TFCP2L1: variants seen among roughly 807,000 people sequenced by gnomAD.
The protein encoded by TFCP2L1 is transcription factor CP2 like 1.
A neutral mutation model predicts 72.2 loss-of-function variants in TFCP2L1; 12 were observed. The observed-to-expected ratio is 0.17, with a 90% CI of 0.11 to 0.27. TFCP2L1 has a LOEUF of 0.27. TFCP2L1 is among the 10% of genes least tolerant of loss of function. The pLI is 1.00. For missense variants in TFCP2L1, 488 were observed against 624.6 expected (o/e 0.78, Z 2.33); for synonymous variants, 260 against 251.0 (o/e 1.04, Z -0.34).
intron 2 of TFCP2L1, among the ~76,000 whole-genome samples, chr2:121,254,659 G>A (rs1431117451): frequency 2.6e-5 from 4 of 152,142 alleles, no homozygotes; most frequent in South Asian, 2.1e-4. Flanking sequence ...TTAGCCGGGC[G>A]TGGTGGCGCA....
At chr2:121,236,934 C>T (rs1417023739) in intron 10 of TFCP2L1, among the ~76,000 whole-genome samples, 1 of 152,208 alleles carries the variant, frequency 6.6e-6, no homozygotes, top group Admixed American at 6.5e-5. Context: ...GCTACAAGCT[C>T]CCAAGGACAG....
rs1371349998 is a variant in TFCP2L1 at position 121,217,076 on chromosome 2, A to G, written c.*7265T>C. ...GCACTGTGACAAAAGAACTTGTCCC[A>G]CCTATCTGAGAGCATGAGATCTGCA... On this transcript the variant is annotated 3_prime_UTR_variant, in exon 15 of 15. Transcript: ENST00000263707. 1 of 152,280 alleles carries G rather than the reference A, an allele frequency of 6.6e-6. No individual in the cohort carries two copies. Among genetic ancestry groups the G allele is most frequent in the Non-Finnish European group, 1.5e-5 (1 of 68,070 alleles). The allele number at this position is 152,280 out of a possible 1,614,324, so 9.4% of individuals were successfully genotyped here. A position where few individuals can be genotyped will look rare whatever the true frequency, so the allele number is the denominator to read the frequency against.
chr2:121,241,171 A>T (rs1205733555), intron 7 of TFCP2L1, among the ~76,000 whole-genome samples: 1 of 152,158 alleles, frequency 6.6e-6, no homozygotes, highest in East Asian at 1.9e-4. Flanking sequence ...AATTCCCTGT[A>T]AAAAAGGAGG....
chr2:121,263,724 C>T (rs1686874463), intron 2 of TFCP2L1, among the ~76,000 whole-genome samples: 1 of 152,140 alleles, frequency 6.6e-6, no homozygotes, highest in African/African-American at 2.4e-5. Context: ...ATCCTAAACA[C>T]ATATATCACT....
chr2:121,275,974 C>T (rs534843904), intron 2 of TFCP2L1, among the ~76,000 whole-genome samples: 1 of 152,318 alleles, frequency 6.6e-6, no homozygotes, highest in Admixed American at 6.5e-5. Flanking sequence ...AAACATATTT[C>T]TAAGCTACAA....
rs1185617186 is a variant in TFCP2L1, at chr2:121,216,788, C to T, written c.*7553G>A. 6.6e-6 allele frequency: 1 copy of T among 152,310 alleles called. No homozygotes were observed. The highest frequency in any genetic ancestry group is 1.5e-5 in the Non-Finnish European group (1 of 68,048). 9.4% of individuals were successfully genotyped at this position (152,310 alleles called of 1,614,324 possible). A position where few individuals can be genotyped will look rare whatever the true frequency, so the allele number is the denominator to read the frequency against. ...CCACCTGACCCATCCAAGGGCCACACCACCCCGACAGATACTCCCACCACC... is the reference window on the plus strand; with the variant it reads ...CCACCTGACCCATCCAAGGGCCACATCACCCCGACAGATACTCCCACCACC... On this transcript the variant is annotated 3_prime_UTR_variant, in exon 15 of 15. Transcript: ENST00000263707.
chr2:121,218,397 C>T lies in TFCP2L1; in HGVS notation c.*5944G>A, dbSNP rs1025588927. The T allele has an allele frequency of 2.0e-5, 3 of 152,048 alleles. No homozygotes were observed. The highest frequency in any genetic ancestry group is 2.1e-4 in the South Asian group (1 of 4,814). The allele number at this position is 152,048 out of a possible 1,614,324, so 9.4% of individuals were successfully genotyped here. ...CAGCCAGTGGGCCAGGTGGGCCCAC[C>T]GTATGCTAGCTGACAAGGGCAGTCA... On this transcript the variant is annotated 3_prime_UTR_variant, in exon 15 of 15. Coordinates refer to ENST00000263707, the MANE Select transcript of TFCP2L1 (RefSeq NM_014553.3).
At chr2:121,251,977 C>T (rs1261041890) in intron 2 of TFCP2L1, among the ~76,000 whole-genome samples, 2 of 152,180 alleles carry the variant, frequency 1.3e-5, no homozygotes, top group Non-Finnish European at 2.9e-5. Context: ...AAACTGCAGA[C>T]TAGGAAGAGC....
At chr2:121,231,717 GA>G (rs1686147066) in intron 13 of TFCP2L1, 108 bp downstream of exon 13, 5 of 1,476,060 alleles carry the variant, frequency 3.4e-6, no homozygotes, top group Non-Finnish European at 4.6e-6. Flanking sequence ...GTGTGCAGAT[GA>G]ACCTGTCTGT....
chr2:121,266,162 GT>G (rs1035621995), intron 2 of TFCP2L1, among the ~76,000 whole-genome samples: 36 of 147,974 alleles, frequency 2.4e-4, no homozygotes, highest in East Asian at 9.9e-4. Flanking sequence ...TTTTTTAATA[GT>G]TTTTTTTTCC....
At chr2:121,278,793 CA>C (rs1687198969) in intron 2 of TFCP2L1, among the ~76,000 whole-genome samples, 1 of 151,774 alleles carries the variant, frequency 6.6e-6, no homozygotes, top group African/African-American at 2.4e-5. Context: ...CACTTGAGGC[CA>C]GGAGTTCAAG....
intron 2 of TFCP2L1, among the ~76,000 whole-genome samples, chr2:121,253,226 C>T (rs756599371): frequency 7.9e-5 from 12 of 152,320 alleles, no homozygotes; most frequent in Middle Eastern, 3.4e-3. Context: ...CACTTCTTGA[C>T]CATGCCAAAC....
chr2:121,245,291 G>A (rs1396345994), intron 6 of TFCP2L1, among the ~76,000 whole-genome samples: 9 of 152,198 alleles, frequency 5.9e-5, no homozygotes, highest in Admixed American at 5.9e-4. Flanking sequence ...GCCCCGCCCA[G>A]AGCCTCGGGA....
At chr2:121,225,813 G>A (rs1051622537) in intron 13 of TFCP2L1, among the ~76,000 whole-genome samples, 200 bp from the exon 14 acceptor site, 11 of 147,644 alleles carry the variant, frequency 7.5e-5, no homozygotes, top group African/African-American at 2.1e-4. Flanking sequence ...CCACTGCCAC[G>A]GTGCCCACAC....
intron 2 of TFCP2L1, among the ~76,000 whole-genome samples, chr2:121,258,970 G>A (rs944751999): frequency 1.3e-5 from 2 of 152,002 alleles, no homozygotes; most frequent in Non-Finnish European, 2.9e-5. Flanking sequence ...TTGTCTGCTC[G>A]GGCGCGGTGG....
At chr2:121,257,464 T>G (rs145472157) in intron 2 of TFCP2L1, among the ~76,000 whole-genome samples, 31 of 152,198 alleles carry the variant, frequency 2.0e-4, no homozygotes, top group African/African-American at 6.7e-4. Context: ...TTAACAGCTG[T>G]GCTTAGGCTC....
intron 3 of TFCP2L1, 70 bp downstream of exon 3, chr2:121,249,501 C>A: frequency 1.3e-6 from 2 of 1,503,770 alleles, no homozygotes; most frequent in Non-Finnish European, 1.8e-6. Flanking sequence ...CCAACCCCAG[C>A]AAGCCCAGGT....
intron 2 of TFCP2L1, among the ~76,000 whole-genome samples, chr2:121,250,964 A>C (rs1319764415): frequency 2.0e-5 from 3 of 151,128 alleles, no homozygotes; most frequent in Non-Finnish European, 4.4e-5. Flanking sequence ...ATAGACTCTT[A>C]AGAAGTTACA....
chr2:121,225,091 C>T (rs541049897), intron 14 of TFCP2L1, among the ~76,000 whole-genome samples: 9 of 152,182 alleles, frequency 5.9e-5, no homozygotes, highest in African/African-American at 1.9e-4. Flanking sequence ...TTTGTTCTGA[C>T]ATATCCTATA....
Sources: gnomAD v4.1 joint callset for allele counts (sites outside exome capture counted in the v4.1 genomes callset) on GRCh38, gnomAD v4.1.1 for gene constraint, MANE v1.5 for transcripts, NCBI Gene and HGNC (gene_info 2026-07-23, HGNC 2026-07-21) for gene names.